Variants in CDK19 observed in about 807,000 individuals in gnomAD.
CDK19 encodes cyclin dependent kinase 19, also known as cyclin-dependent kinase 19.
A neutral mutation model predicts 68.3 loss-of-function variants in CDK19; 20 were observed. That is an observed-to-expected ratio of 0.29 (90% confidence interval 0.21 to 0.43). CDK19 has a LOEUF of 0.43. Ranked by LOEUF, CDK19 falls within the 20% of genes least tolerant of loss-of-function variation. CDK19 has a pLI of 1.00. For missense variants in CDK19, 339 were observed against 623.5 expected, an observed-to-expected ratio of 0.54 and a Z score of 4.86; for synonymous variants, 221 against 222.8, an observed-to-expected ratio of 0.99 and a Z score of 0.07.
chr6:110,768,750 C>A (rs568970135), intron 1 of CDK19, among the ~76,000 whole-genome samples: 2 of 152,210 alleles, frequency 1.3e-5, no homozygotes, highest in African/African-American at 4.8e-5. Context: ...AGGTGTAGCA[C>A]AGGTGATGTT....
intron 1 of CDK19, among the ~76,000 whole-genome samples, chr6:110,800,956 C>T (rs1276929550): frequency 6.6e-6 from 1 of 152,008 alleles, no homozygotes; most frequent in Non-Finnish European, 1.5e-5. Context: ...CCAGAGCAAT[C>T]AGGCAAGAGA....
At chr6:110,651,979 A>G (rs1169440545) in intron 4 of CDK19, among the ~76,000 whole-genome samples, 1 of 151,988 alleles carries the variant, frequency 6.6e-6, no homozygotes, top group Non-Finnish European at 1.5e-5. Context: ...GATTCTGTGA[A>G]GGGAGAATCA....
chr6:110,631,996 T>A (rs921959239), intron 6 of CDK19, 34 bp downstream of exon 6: 2 of 1,568,474 alleles, frequency 1.3e-6, no homozygotes. Flanking sequence ...GATCGTTAGA[T>A]GACAAGATAG....
At chr6:110,739,641 T>C (rs1270350593) in intron 2 of CDK19, among the ~76,000 whole-genome samples, 2 of 151,928 alleles carry the variant, frequency 1.3e-5, no homozygotes, top group African/African-American at 2.4e-5. Context: ...TATACATTTT[T>C]TTTTTTGAGA....
intron 2 of CDK19, among the ~76,000 whole-genome samples, chr6:110,693,983 T>C (rs184298356): frequency 1.3e-5 from 2 of 151,546 alleles, no homozygotes; most frequent in Admixed American, 1.3e-4. Flanking sequence ...TAATAGGAGT[T>C]CTAAATCTTG....
At chr6:110,624,992 T>C (rs1281417552) in intron 8 of CDK19, among the ~76,000 whole-genome samples, 1 of 152,214 alleles carries the variant, frequency 6.6e-6, no homozygotes, top group Non-Finnish European at 1.5e-5. Flanking sequence ...AAAATGTAGG[T>C]AAAGGGTTTA....
chr6:110,675,028 G>T (rs567853438), intron 2 of CDK19, among the ~76,000 whole-genome samples: 2 of 152,238 alleles, frequency 1.3e-5, no homozygotes, highest in South Asian at 4.1e-4. Context: ...TGGTTCATGA[G>T]GCTTAAGGAG....
At chr6:110,642,308 CAAAAAAAAA>C (rs56320713) in intron 4 of CDK19, among the ~76,000 whole-genome samples, 6 of 96,326 alleles carry the variant, frequency 6.2e-5, no homozygotes, top group Non-Finnish European at 1.3e-4. Flanking sequence ...GACTCTGTTT[CAAAAAAAAA>C]AAAAAAAAAA....
intron 2 of CDK19, among the ~76,000 whole-genome samples, chr6:110,685,457 A>T (rs1772394404): frequency 6.6e-6 from 1 of 152,228 alleles, no homozygotes; most frequent in Non-Finnish European, 1.5e-5. Context: ...ACTGCTAATT[A>T]AATAAAGTTA....
At chr6:110,753,008 C>T (rs1778582021) in intron 1 of CDK19, among the ~76,000 whole-genome samples, 1 of 152,116 alleles carries the variant, frequency 6.6e-6, no homozygotes. Flanking sequence ...CAACTCACTG[C>T]AGCCTCGACC....
chr6:110,623,780 A>G (rs1778878321), intron 8 of CDK19, among the ~76,000 whole-genome samples: 2 of 147,378 alleles, frequency 1.4e-5, no homozygotes, highest in Non-Finnish European at 3.0e-5. Context: ...ATATATACAT[A>G]TATACACATA....
Position 110,721,265 on chromosome 6 carries a change from T to G in CDK19, c.204+24861A>C, listed in dbSNP as rs1369748333. On this transcript the variant is annotated intron_variant, in intron 2 of 12. Transcript: ENST00000368911. ...AAAATAAAAATAGAAATTAATTAATTAATTAATAAAACCTTGATTTGAGAG... is the reference window on the plus strand; with the variant it reads ...AAAATAAAAATAGAAATTAATTAATGAATTAATAAAACCTTGATTTGAGAG... Among the ~76,000 whole-genome samples the G allele has an allele frequency of 4.6e-5, 7 of 151,824 alleles. No individual in the cohort carries two copies. The East Asian group carries it at 1.4e-3, about 29-fold the overall frequency.
At chr6:110,726,540 A>G (rs754141942) in intron 2 of CDK19, among the ~76,000 whole-genome samples, 2 of 152,228 alleles carry the variant, frequency 1.3e-5, no homozygotes, top group Non-Finnish European at 2.9e-5. Context: ...ATAGATACCT[A>G]AGTGAATAGG....
chr6:110,707,334 TCAAAAACAAA>T (rs768817875), intron 2 of CDK19, among the ~76,000 whole-genome samples: 16 of 151,570 alleles, frequency 1.1e-4, no homozygotes, highest in Non-Finnish European at 2.1e-4. Flanking sequence ...AGCCTCTGTC[TCAAAAACAAA>T]CAAAACAAAA....
At position 110,730,098 on chromosome 6, in the gene CDK19, A is replaced by C. The variant is rs191260945; in HGVS notation, c.204+16028T>G. 6.6e-5 allele frequency among the ~76,000 whole-genome samples: 10 copies of C among 152,300 alleles called. No homozygotes were observed. The East Asian group carries it at 1.3e-3, about 21-fold the overall frequency. On this transcript the variant is annotated intron_variant, in intron 2 of 12. Transcript: ENST00000368911. ...TTGCTATGTCCCCATTTCTGCCTTC[A>C]TTGGAGTACTAACAGCAAAATCCAG... is the stretch of plus-strand genomic sequence containing the variant.
At chr6:110,688,405 C>T (rs1485185044) in intron 2 of CDK19, among the ~76,000 whole-genome samples, 1 of 151,936 alleles carries the variant, frequency 6.6e-6, no homozygotes, top group African/African-American at 2.4e-5. Flanking sequence ...GCAGTGTTAG[C>T]ATGCCTCTCC....
chr6:110,738,134 C>T (rs896695749), intron 2 of CDK19, among the ~76,000 whole-genome samples: 1 of 152,088 alleles, frequency 6.6e-6, no homozygotes, highest in African/African-American at 2.4e-5. Context: ...ATACTTGATT[C>T]ACACATCTAT....
At chr6:110,763,054 TACA>T (rs1277356754) in intron 1 of CDK19, among the ~76,000 whole-genome samples, 1 of 152,224 alleles carries the variant, frequency 6.6e-6, no homozygotes, top group African/African-American at 2.4e-5. Context: ...TATTGGGAAC[TACA>T]ACGCTTGCAA....
At chr6:110,750,330 G>A (rs962451731) in intron 1 of CDK19, among the ~76,000 whole-genome samples, 3 of 108,862 alleles carry the variant, frequency 2.8e-5, no homozygotes, top group Admixed American at 8.0e-5. Flanking sequence ...CTTCAGTGAT[G>A]AAGAAACTAG....
Sources: allele counts gnomAD v4.1 joint callset (sites outside exome capture counted in the v4.1 genomes callset), GRCh38; gene constraint gnomAD v4.1.1; transcripts MANE v1.5; gene names NCBI Gene and HGNC (gene_info 2026-07-23, HGNC 2026-07-21).